CRCP: variants seen among roughly 807,000 people sequenced by gnomAD.
The protein encoded by CRCP is DNA-directed RNA polymerase III subunit RPC9.
Under a neutral mutation model 18.5 loss-of-function variants are expected in CRCP, and 18 were observed. The observed-to-expected ratio is 0.97, with a 90% CI of 0.67 to 1.44. The LOEUF (loss-of-function observed/expected upper bound fraction) is 1.44, where lower values mean the gene tolerates loss of function less well. Ranked by LOEUF, CRCP falls within the 40% of genes most tolerant of loss-of-function variation. The pLI is 0.00. For synonymous variants in CRCP, 53 were observed against 62.9 expected, an observed-to-expected ratio of 0.84 and a Z score of 0.75; for missense variants, 130 against 176.4, an observed-to-expected ratio of 0.74 and a Z score of 1.49.
chr7:66,116,719 C>A (rs1198390032), intron 1 of CRCP, among the ~76,000 whole-genome samples: 1 of 152,110 alleles, frequency 6.6e-6, no homozygotes, highest in Non-Finnish European at 1.5e-5. Flanking sequence ...TACTCCATTT[C>A]TGCTTCCCAT....
chr7:66,114,920 G>C lies in CRCP; in HGVS notation c.-43G>C. 1.2e-6 allele frequency: 2 copies of C among 1,611,608 alleles called. No homozygotes were observed. Among genetic ancestry groups the C allele is most frequent in the Non-Finnish European group, 1.7e-6 (2 of 1,178,096 alleles). The stretch of plus-strand genomic sequence containing the variant: ...GGCGGAGACAGCTGTGAAGTGTGAG[G>C]TTCTTTGTCTGCTGGCAGCTAGGGG... On this transcript the variant is annotated 5_prime_UTR_variant, in exon 1 of 6. Transcript: ENST00000395326.
chr7:66,142,021 T>C lies in CRCP; in HGVS notation c.240-3422T>C, dbSNP rs114331157. Among the ~76,000 whole-genome samples, 813 of 152,296 alleles carry C rather than the reference T, an allele frequency of 5.3e-3. 14 individuals carry two copies. Among genetic ancestry groups the C allele is most frequent in the African/African-American group, 0.018 (743 of 41,560 alleles). Reference sequence around the variant, plus strand: ...TTCAGGGAGCGGTTGTGAATGTCTTTGCTGATCTTCTGGTCATCTCGTTAC... The same window carrying C: ...TTCAGGGAGCGGTTGTGAATGTCTTCGCTGATCTTCTGGTCATCTCGTTAC... On this transcript the variant is annotated intron_variant, in intron 4 of 5. Coordinates refer to ENST00000395326, the MANE Select transcript of CRCP (RefSeq NM_014478.5).
chr7:66,121,677 T>G (rs765029981), intron 1 of CRCP, among the ~76,000 whole-genome samples: 2 of 152,216 alleles, frequency 1.3e-5, no homozygotes, highest in Non-Finnish European at 2.9e-5. Context: ...CTATTTGGCT[T>G]TGTCTATAAA....
rs779066728 is a variant in CRCP, at chr7:66,127,744, A to G, written c.45+4A>G. ...TGCGCTTCTCAGTAACTACGAGGTA[A>G]ATTGGATTGTTACATTTTCCTCTCT... On this transcript the variant is annotated splice_donor_region_variant and intron_variant, in intron 2 of 5. Transcript: ENST00000395326. 16 of 1,613,788 alleles carry G rather than the reference A, an allele frequency of 9.9e-6. No homozygotes were observed. In the South Asian group the frequency reaches 1.6e-4, roughly 17 times the overall value.
chr7:66,123,582 CTACTAAAAA>C (rs1297168300), intron 1 of CRCP, among the ~76,000 whole-genome samples: 1 of 151,872 alleles, frequency 6.6e-6, no homozygotes, highest in East Asian at 1.9e-4. Flanking sequence ...AACCCCGTCT[CTACTAAAAA>C]TACAAAATTA....
intron 3 of CRCP, 75 bp from the exon 4 acceptor site, chr7:66,134,205 C>G (rs1787898982): frequency 5.3e-6 from 6 of 1,133,708 alleles, no homozygotes. Context: ...TAATTACAGT[C>G]ATTGCCTTTG....
chr7:66,153,902 A>T lies in CRCP; in HGVS notation c.*1545A>T, dbSNP rs1788538707. On this transcript the variant is annotated 3_prime_UTR_variant, in exon 6 of 6. Transcript: ENST00000395326. Reference sequence around the variant, plus strand: ...GGTGAAACCCCCATCTCTACTAAAGATATAAAAAACTAGCCGAGCGTGGTG... The same window carrying T: ...GGTGAAACCCCCATCTCTACTAAAGTTATAAAAAACTAGCCGAGCGTGGTG... The T allele has an allele frequency of 6.6e-6, 1 of 151,890 alleles. No homozygotes were observed. The highest frequency in any genetic ancestry group is 2.4e-5 in the African/African-American group (1 of 41,374). 9.4% of individuals were successfully genotyped at this position (151,890 alleles called of 1,614,324 possible). A position where few individuals can be genotyped will look rare whatever the true frequency, so the allele number is the denominator to read the frequency against.
chr7:66,143,789 A>G (rs1348151843), intron 4 of CRCP, among the ~76,000 whole-genome samples: 1 of 152,238 alleles, frequency 6.6e-6, no homozygotes, highest in Non-Finnish European at 1.5e-5. Context: ...TTACTCTCTC[A>G]GTGTCAGTGA....
At chr7:66,150,904 T>A (rs1788438153) in intron 5 of CRCP, 1 of 152,150 alleles carries the variant, frequency 6.6e-6, no homozygotes, top group Non-Finnish European at 1.5e-5. Context: ...GACGACCTAA[T>A]TCTGTTTAGA....
At chr7:66,143,607 G>A (rs529609104) in intron 4 of CRCP, among the ~76,000 whole-genome samples, 1 of 152,290 alleles carries the variant, frequency 6.6e-6, no homozygotes. Flanking sequence ...ATTACAAGCA[G>A]TAGAAATTGA....
chr7:66,122,622 G>A (rs1787479363), intron 1 of CRCP, among the ~76,000 whole-genome samples: 1 of 151,712 alleles, frequency 6.6e-6, no homozygotes, highest in South Asian at 2.1e-4. Flanking sequence ...CTGTAGTATA[G>A]ATTTAGACAG....
rs184374388 is a variant in CRCP at position 66,150,173 on chromosome 7, T to C, written c.298-2035T>C. ...GCTAACTCCTGTAATCCCAGCACTT[T>C]GGGAGGCCGAGGTGAGTGGATCGCC... On this transcript the variant is annotated intron_variant, in intron 5 of 5. Transcript: ENST00000395326. 2.1e-3 allele frequency among the ~76,000 whole-genome samples: 322 copies of C among 151,156 alleles called. 2 individuals carry two copies. The highest frequency in any genetic ancestry group is 7.6e-3 in the African/African-American group (315 of 41,362).
Position 66,141,404 on chromosome 7 carries a change from C to T in CRCP, c.240-4039C>T, listed in dbSNP as rs114415369. Among the ~76,000 whole-genome samples the T allele has an allele frequency of 5.2e-3, 798 of 152,276 alleles. 10 individuals are homozygous for T. Among genetic ancestry groups the T allele is most frequent in the African/African-American group, 0.018 (746 of 41,550 alleles). On this transcript the variant is annotated intron_variant, in intron 4 of 5. Transcript: ENST00000395326. Reference sequence around the variant, plus strand: ...TGCCCGTCCCCGCCTCTGATCTGCTCTCTGGTCCTTCTCCTCTCTCTGTCT... The same window carrying T: ...TGCCCGTCCCCGCCTCTGATCTGCTTTCTGGTCCTTCTCCTCTCTCTGTCT...
At chr7:66,130,335 A>G (rs901934784) in intron 2 of CRCP, 136 of 186,600 alleles carry the variant, frequency 7.3e-4, no homozygotes, top group African/African-American at 3.2e-3. Flanking sequence ...TGATCTCCTG[A>G]CCTCATGAAC....
In CRCP at chr7:66,152,765, T is replaced by G. The variant is rs535128829; in HGVS notation, c.*408T>G. 40 of 171,430 alleles carry G rather than the reference T, an allele frequency of 2.3e-4. No homozygotes were observed. Among genetic ancestry groups the G allele is most frequent in the Non-Finnish European group, 4.2e-4 (33 of 79,452 alleles). 10.6% of individuals were successfully genotyped at this position (171,430 alleles called of 1,614,324 possible). The stretch of plus-strand genomic sequence containing the variant: ...AAGGGGCCCAGAGCACTGTTGGAAG[T>G]CTGGTTAGAGTCCCCAGAGAGTTAC... On this transcript the variant is annotated 3_prime_UTR_variant, in exon 6 of 6. Coordinates refer to ENST00000395326, the MANE Select transcript of CRCP (RefSeq NM_014478.5).
At chr7:66,115,116 G>C in intron 1 of CRCP, 146 bp downstream of exon 1, 1 of 1,180,760 alleles carries the variant, frequency 8.5e-7, no homozygotes. Context: ...GGGCCGCGGG[G>C]TGGTGACGGG....
chr7:66,120,909 C>T (rs117383410), intron 1 of CRCP, among the ~76,000 whole-genome samples: 3,799 of 152,014 alleles, frequency 0.025, 75 homozygotes, highest in Admixed American at 0.04. Flanking sequence ...CAGGGGATGC[C>T]TGTATATTGT....
At chr7:66,124,506 C>CCCTCCCTT (rs1787559883) in intron 1 of CRCP, among the ~76,000 whole-genome samples, 1 of 140,416 alleles carries the variant, frequency 7.1e-6, no homozygotes, top group Non-Finnish European at 1.5e-5. Context: ...CTCCCTCCCT[C>CCCTCCCTT]CCTCCCTTCC....
Position 66,153,687 on chromosome 7 carries a change from G to C in CRCP, c.*1330G>C, listed in dbSNP as rs316306. On this transcript the variant is annotated 3_prime_UTR_variant, in exon 6 of 6. Coordinates refer to ENST00000395326, the MANE Select transcript of CRCP (RefSeq NM_014478.5). Reference sequence around the variant, plus strand: ...TACTTCTCTTCCAACCCTCCTGCCCGTCCATCCATCCCAGTCCCCAGGCAT... The same window carrying C: ...TACTTCTCTTCCAACCCTCCTGCCCCTCCATCCATCCCAGTCCCCAGGCAT... The C allele has an allele frequency of 2.0e-5, 3 of 152,036 alleles. No individual in the cohort carries two copies. The East Asian group carries it at 5.8e-4, about 29-fold the overall frequency. 9.4% of individuals were successfully genotyped at this position (152,036 alleles called of 1,614,324 possible). A position where few individuals can be genotyped will look rare whatever the true frequency, so the allele number is the denominator to read the frequency against.
Sources: gnomAD v4.1 joint callset for allele counts (sites outside exome capture counted in the v4.1 genomes callset) on GRCh38, gnomAD v4.1.1 for gene constraint, MANE v1.5 for transcripts, NCBI Gene and HGNC (gene_info 2026-07-23, HGNC 2026-07-21) for gene names.